The following SLC13A4 variants were observed in gnomAD, a reference collection of about 807,000 sequenced individuals.
SLC13A4 encodes Na(+)/sulfate cotransporter SUT-1.
SLC13A4 carries 28 observed loss-of-function variants against 72.7 expected under a neutral mutation model. The ratio of observed to expected loss-of-function variants is 0.39; its 90% CI spans 0.29 to 0.53. SLC13A4 has a LOEUF of 0.53. Among genes scored for constraint, SLC13A4 ranks in the 20% least tolerant of loss-of-function variants. The pLI, the probability that SLC13A4 is intolerant of heterozygous loss-of-function variation, is 0.78. For missense variants in SLC13A4, 653 were observed against 788.0 expected (o/e 0.83, Z 2.05); for synonymous variants, 312 against 325.5 (o/e 0.96, Z 0.45).
Position 135,694,201 on chromosome 7 carries a change from T to G in SLC13A4, c.1057A>C (p.Thr353Pro), listed in dbSNP as rs780274904. 1 of 1,606,802 alleles carries G rather than the reference T, an allele frequency of 6.2e-7. No individual in the cohort carries two copies. The highest frequency in any genetic ancestry group is 8.5e-7 in the Non-Finnish European group (1 of 1,173,786). ...ETCSLSKKKK[T>P]KREQLSEKRI... ...TTCTCTGACAACTGTTCCCTTTTGG[T>G]CTTCTTCTTCTTGCTCAGAGAGCAG... Residue 353 changes from threonine (T) to proline (P), a missense_variant, in exon 10 of 16, where the codon ACC (threonine) becomes CCC (proline). Coordinates refer to ENST00000682651, the MANE Select transcript of SLC13A4 (RefSeq NM_001318192.2).
intron 9 of SLC13A4, 108 bp from the exon 10 acceptor site, chr7:135,694,346 C>T: frequency 1.5e-6 from 1 of 683,346 alleles, no homozygotes. Context: ...CACTTTTCTC[C>T]TCTTTCACAT....
At chr7:135,695,127 A>G (rs1169617538) in intron 9 of SLC13A4, among the ~76,000 whole-genome samples, 4 of 152,198 alleles carry the variant, frequency 2.6e-5, no homozygotes, top group African/African-American at 9.7e-5. Context: ...CTCTCTAACC[A>G]TTTAGTTGGA....
At chr7:135,721,237 A>G (rs1470460882) in intron 2 of SLC13A4, among the ~76,000 whole-genome samples, 158 bp downstream of exon 2, 1 of 152,224 alleles carries the variant, frequency 6.6e-6, no homozygotes, top group Non-Finnish European at 1.5e-5. Flanking sequence ...TTCAGGGTCT[A>G]GAACTGCAGG....
At chr7:135,715,064 GT>G in intron 2 of SLC13A4, among the ~76,000 whole-genome samples, 1 of 72,232 alleles carries the variant, frequency 1.4e-5, no homozygotes, top group African/African-American at 7.1e-5. Context: ...GTATGTGAAT[GT>G]GTGTGTGTAT....
At chr7:135,693,120 AAAAAAT>A (rs1795828183) in intron 10 of SLC13A4, 2 of 151,694 alleles carry the variant, frequency 1.3e-5, no homozygotes, top group African/African-American at 4.8e-5. Context: ...AAAAAAAAAA[AAAAAAT>A]AGTTGGTCAT....
chr7:135,726,971 C>T (rs1584746272), intron 1 of SLC13A4, among the ~76,000 whole-genome samples: 1 of 152,202 alleles, frequency 6.6e-6, no homozygotes, highest in African/African-American at 2.4e-5. Context: ...ACCTTCTCCT[C>T]AGTGCCACTA....
At chr7:135,688,493 G>A (rs1795690675) in intron 13 of SLC13A4, among the ~76,000 whole-genome samples, 1 of 152,216 alleles carries the variant, frequency 6.6e-6, no homozygotes, top group Non-Finnish European at 1.5e-5. Context: ...CTGGCCTCAA[G>A]TGATCCTCCT....
At chr7:135,705,400 C>CTCCA (rs1796135871) in intron 5 of SLC13A4, 196 bp downstream of exon 5, 1 of 541,112 alleles carries the variant, frequency 1.8e-6, no homozygotes, top group Non-Finnish European at 3.3e-6. Context: ...GGGAGTGACT[C>CTCCA]TCCAGGTCCT....
chr7:135,684,313 G>C, intron 14 of SLC13A4, 52 bp from the exon 15 acceptor site: 1 of 1,545,522 alleles, frequency 6.5e-7, no homozygotes, highest in Non-Finnish European at 8.8e-7. Flanking sequence ...TGCATTTCCT[G>C]TGCTTAATGT....
intron 2 of SLC13A4, among the ~76,000 whole-genome samples, chr7:135,711,963 ATTTTTTTTTTTTTTT>A (rs529940903): frequency 1.3e-3 from 59 of 46,902 alleles, no homozygotes; most frequent in East Asian, 4.6e-3. Context: ...ATGTTTTTGG[ATTTTTTTTTTTTTTT>A]TTTTTTTTTT....
chr7:135,683,247 C>T (rs1316715038), intron 15 of SLC13A4: 7 of 489,712 alleles, frequency 1.4e-5, no homozygotes, highest in African/African-American at 1.2e-4. Context: ...TGCAGTGAGC[C>T]GAGATCGCAC....
chr7:135,694,345 C>T, intron 9 of SLC13A4, 107 bp from the exon 10 acceptor site: 1 of 688,662 alleles, frequency 1.5e-6, no homozygotes, highest in Admixed American at 2.4e-5. Flanking sequence ...TCACTTTTCT[C>T]CTCTTTCACA....
rs1280096091 is a variant in SLC13A4 at position 135,684,230 on chromosome 7, G to A, written c.1640C>T (p.Thr547Ile). 2 of 1,611,858 alleles carry A rather than the reference G, an allele frequency of 1.2e-6. No homozygotes were observed. The highest frequency in any genetic ancestry group is 2.7e-5 in the African/African-American group (2 of 74,884). Residue 547 changes from threonine (T) to isoleucine (I), a missense_variant, in exon 15 of 16, where the codon ACC becomes ATC. Thr to Ile is a moderately conservative substitution (Grantham distance 89, BLOSUM62 -1). Transcript: ENST00000682651. ...SETLHINPLY[T>I]LIPVTMCISF... Reference sequence around the variant, plus strand: ...GATGCACATGGTGACTGGGATCAGGGTGTAGAGGGGGTTAATGTGCAGCGT... The same window carrying A: ...GATGCACATGGTGACTGGGATCAGGATGTAGAGGGGGTTAATGTGCAGCGT...
At chr7:135,711,880 C>T (rs983534162) in intron 2 of SLC13A4, among the ~76,000 whole-genome samples, 1 of 151,446 alleles carries the variant, frequency 6.6e-6, no homozygotes, top group Non-Finnish European at 1.5e-5. Flanking sequence ...GCCTCAGCCT[C>T]CCAAGTAGCT....
At chr7:135,715,399 G>C (rs1459493172) in intron 2 of SLC13A4, among the ~76,000 whole-genome samples, 4 of 133,044 alleles carry the variant, frequency 3.0e-5, no homozygotes, top group Non-Finnish European at 6.3e-5. Flanking sequence ...GTGTGAACAT[G>C]TGTGTATGAG....
rs1341594528 is a variant in SLC13A4, at chr7:135,728,048, G to A, written c.-552C>T. 4 of 152,236 alleles carry A rather than the reference G, an allele frequency of 2.6e-5. No individual in the cohort carries two copies. Among genetic ancestry groups the A allele is most frequent in the African/African-American group, 7.2e-5 (3 of 41,428 alleles). 9.4% of individuals were successfully genotyped at this position (152,236 alleles called of 1,614,324 possible). A position where few individuals can be genotyped will look rare whatever the true frequency, so the allele number is the denominator to read the frequency against. On this transcript the variant is annotated 5_prime_UTR_variant, in exon 1 of 16. Transcript: ENST00000682651. Reference sequence around the variant, plus strand: ...CCCTTTCCTTAAAACAAGCACCTGAGCTTGTCAGAGTTGCATGCGGACTTC... The same window carrying A: ...CCCTTTCCTTAAAACAAGCACCTGAACTTGTCAGAGTTGCATGCGGACTTC...
At chr7:135,711,598 G>A (rs1447143271) in intron 2 of SLC13A4, among the ~76,000 whole-genome samples, 1 of 152,156 alleles carries the variant, frequency 6.6e-6, no homozygotes, top group Non-Finnish European at 1.5e-5. Flanking sequence ...TGTAAGGGCA[G>A]AGGCAGGATA....
At position 135,724,315 on chromosome 7, in the gene SLC13A4, C is replaced by T. The variant is rs183972459; in HGVS notation, c.100-2792G>A. ...TTCGAGACCAGCCTGGCCAACATGG[C>T]GAAACCCTGTCTCTATTAAAAATAC... On this transcript the variant is annotated intron_variant, in intron 1 of 15. Transcript: ENST00000682651. Among the ~76,000 whole-genome samples the T allele has an allele frequency of 2.9e-4, 44 of 152,026 alleles. No homozygotes were observed. The East Asian group carries it at 6.4e-3, about 22-fold the overall frequency.
intron 2 of SLC13A4, among the ~76,000 whole-genome samples, chr7:135,713,398 T>C (rs1427599351): frequency 1.3e-5 from 2 of 152,272 alleles, no homozygotes; most frequent in East Asian, 3.9e-4. Flanking sequence ...ATAGCAATCT[T>C]GGGCTCTGAA....
Sources: allele counts gnomAD v4.1 joint callset (sites outside exome capture counted in the v4.1 genomes callset), GRCh38; gene constraint gnomAD v4.1.1; transcripts MANE v1.5; gene names NCBI Gene and HGNC (gene_info 2026-07-23, HGNC 2026-07-21).